NRXN1: variants seen among roughly 807,000 people sequenced by gnomAD.
NRXN1 encodes neurexin-1.
Under a neutral mutation model 150.9 loss-of-function variants are expected in NRXN1, and 39 were observed. The ratio of observed to expected loss-of-function variants is 0.26; its 90% CI spans 0.20 to 0.34. The LOEUF is 0.34. NRXN1 is among the 10% of genes least tolerant of loss of function. NRXN1 has a pLI of 1.00. For missense variants in NRXN1, 1,815 were observed against 1,949.9 expected, an observed-to-expected ratio of 0.93 and a Z score of 1.30; for synonymous variants, 924 against 757.0, an observed-to-expected ratio of 1.22 and a Z score of -3.62.
chr2:50,897,830 T>C (rs1197284557), intron 5 of NRXN1, among the ~76,000 whole-genome samples: 1 of 152,236 alleles, frequency 6.6e-6, no homozygotes, highest in East Asian at 1.9e-4. Context: ...GGTTGCAGCA[T>C]TGTTTCACAA....
chr2:50,765,719 G>A (rs1345335088), intron 5 of NRXN1, among the ~76,000 whole-genome samples: 3 of 152,024 alleles, frequency 2.0e-5, no homozygotes, highest in Non-Finnish European at 2.9e-5. Context: ...CTCCTTCTAA[G>A]TATGAAAATC....
intron 5 of NRXN1, among the ~76,000 whole-genome samples, chr2:50,811,951 C>A (rs1668270818): frequency 6.6e-6 from 1 of 152,026 alleles, no homozygotes; most frequent in African/African-American, 2.4e-5. Flanking sequence ...ATTCTAAAAT[C>A]ATTAAGCAAT....
intron 18 of NRXN1, among the ~76,000 whole-genome samples, chr2:50,093,284 A>C (rs1367155993): frequency 6.6e-6 from 1 of 152,080 alleles, no homozygotes; most frequent in Non-Finnish European, 1.5e-5. Context: ...GAAAATAATA[A>C]GTCCAGGGGA....
chr2:50,400,151 A>T (rs1020352635), intron 17 of NRXN1, among the ~76,000 whole-genome samples: 9 of 152,056 alleles, frequency 5.9e-5, no homozygotes, highest in Admixed American at 2.0e-4. Context: ...GCATGAAACT[A>T]CTGTTACTTG....
intron 18 of NRXN1, among the ~76,000 whole-genome samples, chr2:50,115,038 G>T (rs968531190): frequency 6.6e-6 from 1 of 151,774 alleles, no homozygotes; most frequent in African/African-American, 2.4e-5. Context: ...ACCAATGTAG[G>T]TTCATCGATT....
At chr2:50,266,481 A>T (rs1343758964) in intron 17 of NRXN1, among the ~76,000 whole-genome samples, 2 of 147,656 alleles carry the variant, frequency 1.4e-5, no homozygotes, top group Admixed American at 1.4e-4. Flanking sequence ...TCTATAATAT[A>T]TATAATTTTT....
chr2:50,407,473 T>C (rs1266098403), intron 17 of NRXN1, among the ~76,000 whole-genome samples: 1 of 152,150 alleles, frequency 6.6e-6, no homozygotes, highest in Admixed American at 6.5e-5. Context: ...TCCTAAAGAC[T>C]CCTATGGCTT....
At position 50,312,833 on chromosome 2, in the gene NRXN1, T is replaced by G. The variant is rs116496569; in HGVS notation, c.3365-75863A>C. On this transcript the variant is annotated intron_variant, in intron 17 of 22. Coordinates refer to ENST00000401669, the MANE Select transcript of NRXN1 (RefSeq NM_001330078.2). ...AATGGTAAAATTAAACCACCCTCCATTTCCTGATCATATAATTTTAAGTTT... is the reference window on the plus strand; with the variant it reads ...AATGGTAAAATTAAACCACCCTCCAGTTCCTGATCATATAATTTTAAGTTT... 4.3e-3 allele frequency: 2,057 copies of G among 479,624 alleles called. 38 individuals carry two copies. Among genetic ancestry groups the G allele is most frequent in the African/African-American group, 0.036 (1,858 of 51,394 alleles). The allele number at this position is 479,624 out of a possible 1,614,324, so 29.7% of individuals were successfully genotyped here. A position where few individuals can be genotyped will look rare whatever the true frequency, so the allele number is the denominator to read the frequency against.
chr2:50,299,414 T>G (rs951513771), intron 17 of NRXN1, among the ~76,000 whole-genome samples: 4 of 137,824 alleles, frequency 2.9e-5, no homozygotes, highest in African/African-American at 1.0e-4. Context: ...TGTCCAATTT[T>G]TTTTTTTTTT....
At chr2:50,057,841 C>T (rs376675005) in intron 19 of NRXN1, among the ~76,000 whole-genome samples, 2 of 152,210 alleles carry the variant, frequency 1.3e-5, no homozygotes, top group South Asian at 2.1e-4. Context: ...CCATAAACCT[C>T]ACTTATAATT....
At chr2:50,399,433 C>T (rs369779906) in intron 17 of NRXN1, among the ~76,000 whole-genome samples, 112 of 152,100 alleles carry the variant, frequency 7.4e-4, no homozygotes, top group African/African-American at 2.5e-3. Context: ...TTTTTCTTCT[C>T]GGTTTTTCCC....
intron 17 of NRXN1, among the ~76,000 whole-genome samples, chr2:50,445,584 A>G (rs2086329286): frequency 6.6e-6 from 1 of 152,190 alleles, no homozygotes; most frequent in African/African-American, 2.4e-5. Context: ...GGGAAGAACA[A>G]GGACTTCTTG....
intron 21 of NRXN1, among the ~76,000 whole-genome samples, chr2:49,992,399 C>A (rs1231215724): frequency 9.7e-6 from 1 of 103,014 alleles, no homozygotes; most frequent in East Asian, 2.4e-4. Context: ...AAAAAAAACA[C>A]CCCAAAAACA....
At chr2:50,516,754 C>T (rs865841366) in intron 12 of NRXN1, among the ~76,000 whole-genome samples, 1 of 38,006 alleles carries the variant, frequency 2.6e-5, no homozygotes, top group Non-Finnish European at 5.6e-5. Context: ...GAGATGCTTG[C>T]CTCCTTTTTT....
chr2:50,355,057 A>C (rs979756596), intron 17 of NRXN1, among the ~76,000 whole-genome samples: 1 of 152,092 alleles, frequency 6.6e-6, no homozygotes, highest in Non-Finnish European at 1.5e-5. Flanking sequence ...CCATATGTTT[A>C]ATTTCCTGAA....
intron 17 of NRXN1, among the ~76,000 whole-genome samples, chr2:50,449,056 T>C (rs1452967297): frequency 6.6e-6 from 1 of 152,178 alleles, no homozygotes; most frequent in African/African-American, 2.4e-5. Context: ...GATCATCTAA[T>C]GAAATATCTG....
At chr2:50,439,810 C>A (rs1354193559) in intron 17 of NRXN1, among the ~76,000 whole-genome samples, 1 of 123,986 alleles carries the variant, frequency 8.1e-6, no homozygotes, top group Non-Finnish European at 1.6e-5. Context: ...GAGTGAGACT[C>A]TGTCTCAAAA....
chr2:50,661,568 G>GGA (rs1687307243), intron 5 of NRXN1, among the ~76,000 whole-genome samples: 1 of 151,968 alleles, frequency 6.6e-6, no homozygotes, highest in African/African-American at 2.4e-5. Flanking sequence ...CAGCTGTTTA[G>GGA]ACACATAGCC....
At chr2:50,345,791 C>T (rs1482017521) in intron 17 of NRXN1, among the ~76,000 whole-genome samples, 1 of 152,210 alleles carries the variant, frequency 6.6e-6, no homozygotes, top group Non-Finnish European at 1.5e-5. Context: ...CTAACTTCTT[C>T]TCCAGGCAGA....
Sources: gnomAD v4.1 joint callset for allele counts (sites outside exome capture counted in the v4.1 genomes callset) on GRCh38, gnomAD v4.1.1 for gene constraint, MANE v1.5 for transcripts, NCBI Gene and HGNC (gene_info 2026-07-23, HGNC 2026-07-21) for gene names.